Variants in UBAP2 observed in about 807,000 individuals in gnomAD.
UBAP2 encodes the protein ubiquitin-associated protein 2.
In UBAP2, 75 loss-of-function variants were observed where a neutral mutation model predicts 139.6. The observed-to-expected ratio is 0.54, with a 90% CI of 0.45 to 0.65. The LOEUF is 0.65. Ranked by LOEUF, UBAP2 falls within the 30% of genes least tolerant of loss-of-function variation. UBAP2 has a pLI of 0.00. For missense variants in UBAP2, 1,368 were observed against 1,369.6 expected (o/e 1.00, Z 0.02); for synonymous variants, 526 against 526.2 (o/e 1.00, Z 0.01).
intron 16 of UBAP2, among the ~76,000 whole-genome samples, chr9:33,936,492 C>T (rs898914650): frequency 1.3e-5 from 2 of 152,006 alleles, no homozygotes; most frequent in Admixed American, 1.3e-4. Flanking sequence ...TGGGGTTTCA[C>T]CATGTTGGCC....
intron 3 of UBAP2, 113 bp downstream of exon 3, chr9:33,998,674 G>T: frequency 1.1e-6 from 1 of 880,536 alleles, no homozygotes; most frequent in South Asian, 1.8e-5. Context: ...GATTTCAGGT[G>T]AGACTAGAAG....
intron 4 of UBAP2, among the ~76,000 whole-genome samples, chr9:33,989,628 C>T (rs182018615): frequency 1.3e-5 from 2 of 152,324 alleles, no homozygotes; most frequent in Non-Finnish European, 1.5e-5. Flanking sequence ...GCTCCTGTTG[C>T]TAAATAATTA....
rs966938611 is a variant in UBAP2 at position 33,950,108 on chromosome 9, CA to C, written c.1057-1522del. On this transcript the variant is annotated intron_variant, in intron 12 of 28. Transcript: ENST00000379238. ...TTTGAGACAGTCTCGCTCTGTCACC[CA>C]GGCTGGAGTGCAGTGGCGCGATCTC... Among the ~76,000 whole-genome samples, 39 of 152,176 alleles carry C rather than the reference CA, an allele frequency of 2.6e-4. 1 individual carries two copies. The highest frequency in any genetic ancestry group is 1.5e-5 in the Non-Finnish European group (1 of 68,040).
At chr9:33,983,479 C>T (rs564556381) in intron 6 of UBAP2, among the ~76,000 whole-genome samples, 21 of 152,118 alleles carry the variant, frequency 1.4e-4, no homozygotes, top group Non-Finnish European at 2.4e-4. Flanking sequence ...CTATGTATTC[C>T]TAAAACCTTA....
At chr9:34,026,974 T>A (rs991749814) in intron 1 of UBAP2, among the ~76,000 whole-genome samples, 1 of 152,170 alleles carries the variant, frequency 6.6e-6, no homozygotes, top group South Asian at 2.1e-4. Flanking sequence ...ATGACAAAGA[T>A]CTGGTCTAGA....
chr9:34,026,515 G>T (rs1211078358), intron 1 of UBAP2, among the ~76,000 whole-genome samples: 1 of 152,198 alleles, frequency 6.6e-6, no homozygotes, highest in Non-Finnish European at 1.5e-5. Flanking sequence ...ACTGAGTCAT[G>T]AGACCAGTGG....
rs1824897427 is a variant in UBAP2, at chr9:33,939,466, TG to T, written c.1929+2182del. On this transcript the variant is annotated intron_variant, in intron 16 of 28. Transcript: ENST00000379238. ...TGCCTGCCTCAGCCTCCAAAAGTGC[TG>T]GGATTACAGGAGTGAGCCACTGCGC... Among the ~76,000 whole-genome samples the T allele has an allele frequency of 2.6e-5, 4 of 151,842 alleles. No homozygotes were observed. In the South Asian group the frequency reaches 8.3e-4, roughly 32 times the overall value.
At chr9:33,964,123 A>C (rs781438354) in intron 8 of UBAP2, among the ~76,000 whole-genome samples, 3 of 152,190 alleles carry the variant, frequency 2.0e-5, no homozygotes, top group South Asian at 2.1e-4. Flanking sequence ...CTGAGTATAC[A>C]CAAGTCTTTC....
At chr9:33,967,116 G>A (rs939256015) in intron 8 of UBAP2, among the ~76,000 whole-genome samples, 12 of 151,522 alleles carry the variant, frequency 7.9e-5, no homozygotes, top group African/African-American at 2.9e-4. Context: ...TTATTCCTAG[G>A]CATCTGGTGT....
chr9:34,002,442 A>G (rs1401055100), intron 2 of UBAP2, among the ~76,000 whole-genome samples: 1 of 143,794 alleles, frequency 7.0e-6, no homozygotes, highest in Non-Finnish European at 1.5e-5. Flanking sequence ...GCATGGCGCG[A>G]TATCGGCTCA....
chr9:33,960,796 GA>G, intron 10 of UBAP2, 29 bp downstream of exon 10: 1 of 1,428,072 alleles, frequency 7.0e-7, no homozygotes. Flanking sequence ...AAAAAAAAAA[GA>G]AAGGTCTCAT....
At chr9:34,029,258 T>C (rs911757681) in intron 1 of UBAP2, among the ~76,000 whole-genome samples, 2 of 127,544 alleles carry the variant, frequency 1.6e-5, no homozygotes, top group East Asian at 2.5e-4. Context: ...CCAGGCGTAG[T>C]GGCTCAGACC....
chr9:34,002,977 A>T (rs1239743671), intron 2 of UBAP2, among the ~76,000 whole-genome samples: 6 of 152,014 alleles, frequency 3.9e-5, no homozygotes, highest in African/African-American at 7.2e-5. Context: ...CATAAACCAC[A>T]GTGCCCGGCC....
At chr9:33,998,621 C>A (rs994295385) in intron 3 of UBAP2, 166 bp downstream of exon 3, 2 of 562,886 alleles carry the variant, frequency 3.6e-6, no homozygotes, top group African/African-American at 3.8e-5. Context: ...ACTTGCCCAC[C>A]AATAAAGGTA....
chr9:34,035,682 C>A (rs1385972799), intron 1 of UBAP2, among the ~76,000 whole-genome samples: 1 of 150,486 alleles, frequency 6.6e-6, no homozygotes, highest in Non-Finnish European at 1.5e-5. Flanking sequence ...GAGACTCCAT[C>A]TCAAAAATAA....
At position 33,922,451 on chromosome 9, in the gene UBAP2, G is replaced by A; in HGVS notation, c.*53C>T. The A allele has an allele frequency of 1.3e-6, 2 of 1,561,620 alleles. No individual in the cohort carries two copies. The highest frequency in any genetic ancestry group is 1.8e-6 in the Non-Finnish European group (2 of 1,142,738). On this transcript the variant is annotated 3_prime_UTR_variant, in exon 29 of 29. Transcript: ENST00000379238. Reference sequence around the variant, plus strand: ...TGGGCTCCCAAATACGTGCTCGTGTGTTCTCTCCTGCCCAGGATAAGCCTT... The same window carrying A: ...TGGGCTCCCAAATACGTGCTCGTGTATTCTCTCCTGCCCAGGATAAGCCTT...
chr9:33,996,525 C>G lies in UBAP2; in HGVS notation c.178-192G>C, dbSNP rs1587632414. On this transcript the variant is annotated intron_variant, in intron 3 of 28. Transcript: ENST00000379238. ...TTCCATGCATGTCTTTTCACTAACA[C>G]TGGTAGAATCTAACTACAAATCAAT... The G allele has an allele frequency of 2.4e-5, 12 of 503,490 alleles. No homozygotes were observed. The East Asian group carries it at 3.9e-4, about 16-fold the overall frequency. The allele number at this position is 503,490 out of a possible 1,614,324, so 31.2% of individuals were successfully genotyped here. A position where few individuals can be genotyped will look rare whatever the true frequency, so the allele number is the denominator to read the frequency against.
chr9:33,924,211 T>TA lies in UBAP2; in HGVS notation c.2584dup (p.Tyr862LeufsTer4). On this transcript the variant is annotated frameshift_variant, in exon 23 of 29. Coordinates refer to ENST00000379238, the MANE Select transcript of UBAP2 (RefSeq NM_001370062.2). LOFTEE classifies it high-confidence loss of function. Reference sequence around the variant, plus strand: ...CATCCATTGAGCAAACTCACCTGGATATGGATTATTAGCTAGGCTCCCATC... The same window carrying TA: ...CATCCATTGAGCAAACTCACCTGGATAATGGATTATTAGCTAGGCTCCCATC... 6.2e-7 allele frequency: 1 copy of TA among 1,614,210 alleles called. No homozygotes were observed. Among genetic ancestry groups the TA allele is most frequent in the Non-Finnish European group, 8.5e-7 (1 of 1,180,010 alleles).
intron 12 of UBAP2, among the ~76,000 whole-genome samples, chr9:33,951,303 C>T (rs934508986): frequency 1.4e-5 from 2 of 148,072 alleles, no homozygotes; most frequent in African/African-American, 2.5e-5. Context: ...CAGGGATGAG[C>T]CACCATGCCA....
Sources: allele counts gnomAD v4.1 joint callset (sites outside exome capture counted in the v4.1 genomes callset), GRCh38; gene constraint gnomAD v4.1.1; transcripts MANE v1.5; gene names NCBI Gene and HGNC (gene_info 2026-07-23, HGNC 2026-07-21).